The following PRDM12 variants were observed in gnomAD, a reference collection of about 807,000 sequenced individuals.
The protein encoded by PRDM12 is PR/SET domain 12.
In PRDM12, 17 loss-of-function variants were observed where a neutral mutation model predicts 29.6. The observed-to-expected ratio is 0.57, with a 90% CI of 0.39 to 0.86. The LOEUF is 0.86. PRDM12 is among the 40% of genes least tolerant of loss of function. The probability of loss-of-function intolerance (pLI) is 0.00; values close to 1 mark genes in which losing one functional copy is unlikely to be tolerated. For synonymous variants in PRDM12, 231 were observed against 225.8 expected (o/e 1.02, Z -0.21); for missense variants, 422 against 510.8 (o/e 0.83, Z 1.68).
chr9:130,677,941 G>A (rs1048738465), intron 3 of PRDM12, among the ~76,000 whole-genome samples: 19 of 152,300 alleles, frequency 1.2e-4, no homozygotes, highest in Middle Eastern at 3.4e-3. Context: ...TTCCTGGGGT[G>A]GAGGTGTTCA....
At chr9:130,680,659 A>ATATATATATATATTT in intron 4 of PRDM12, among the ~76,000 whole-genome samples, 36 of 72,144 alleles carry the variant, frequency 5.0e-4, no homozygotes, top group East Asian at 2.6e-3. Flanking sequence ...ATATATATAT[A>ATATATATATATATTT]TTTTTTTTTT....
At chr9:130,671,986 A>C (rs1395395668) in intron 3 of PRDM12, among the ~76,000 whole-genome samples, 1 of 152,240 alleles carries the variant, frequency 6.6e-6, no homozygotes, top group Non-Finnish European at 1.5e-5. Flanking sequence ...AGACGAAGGC[A>C]ACGGGGCTTT....
chr9:130,667,031 G>A (rs1830740599), intron 2 of PRDM12, among the ~76,000 whole-genome samples: 3 of 152,208 alleles, frequency 2.0e-5, no homozygotes, highest in Admixed American at 6.5e-5. Flanking sequence ...CGGACACCCT[G>A]GCAGAGCAAG....
chr9:130,669,243 C>T (rs1830764887), intron 3 of PRDM12, among the ~76,000 whole-genome samples: 1 of 152,180 alleles, frequency 6.6e-6, no homozygotes, highest in African/African-American at 2.4e-5. Context: ...AGGAGAATGG[C>T]GTGAACCCGG....
At chr9:130,677,751 C>G (rs184542404) in intron 3 of PRDM12, among the ~76,000 whole-genome samples, 3 of 152,324 alleles carry the variant, frequency 2.0e-5, no homozygotes, top group East Asian at 3.9e-4. Flanking sequence ...ACCCCAGAAG[C>G]AGGCCCCTTA....
At chr9:130,680,659 A>ATATATATATATATATATATATATT in intron 4 of PRDM12, among the ~76,000 whole-genome samples, 13 of 72,158 alleles carry the variant, frequency 1.8e-4, no homozygotes, top group East Asian at 6.5e-4. Context: ...ATATATATAT[A>ATATATATATATATATATATATATT]TTTTTTTTTT....
chr9:130,676,481 G>A (rs891221765), intron 3 of PRDM12, among the ~76,000 whole-genome samples: 15 of 152,060 alleles, frequency 9.9e-5, no homozygotes, highest in Non-Finnish European at 8.8e-5. Context: ...GGGCGACAGC[G>A]CGAGACTCCG....
intron 1 of PRDM12, among the ~76,000 whole-genome samples, chr9:130,665,849 T>A (rs974026342): frequency 1.2e-4 from 18 of 152,296 alleles, no homozygotes; most frequent in African/African-American, 3.8e-4. Context: ...GCCGCCCTTG[T>A]GCGCCTCGCC....
intron 3 of PRDM12, among the ~76,000 whole-genome samples, chr9:130,671,411 ACACAC>A (rs1564246187): frequency 5.6e-4 from 85 of 151,560 alleles, no homozygotes; most frequent in African/African-American, 2.0e-3. Context: ...ACACACACAC[ACACAC>A]ACTGTATCAC....
At chr9:130,665,305 TG>T (rs1478194390) in intron 1 of PRDM12, among the ~76,000 whole-genome samples, 1 of 10,632 alleles carries the variant, frequency 9.4e-5, no homozygotes, top group Non-Finnish European at 2.1e-4. Flanking sequence ...CAGCCGGGGC[TG>T]GGGAGGGGGT....
chr9:130,668,830 G>A lies in PRDM12; in HGVS notation c.570+517G>A, dbSNP rs150245365. Among the ~76,000 whole-genome samples, 1 of 152,264 alleles carries A rather than the reference G, an allele frequency of 6.6e-6. No homozygotes were observed. Among genetic ancestry groups the A allele is most frequent in the Non-Finnish European group, 1.5e-5 (1 of 68,016 alleles). On this transcript the variant is annotated intron_variant, in intron 3 of 4. Transcript: ENST00000253008. The surrounding 1 kb of genome is among the most constrained non-coding windows in gnomAD (Gnocchi z 4.0). The stretch of plus-strand genomic sequence containing the variant: ...TGTGTCAGGCTTCTCCCAGATGCTG[G>A]ATATGCAGTATGGTATTTAATCCCC...
chr9:130,673,702 A>C (rs1588186847), intron 3 of PRDM12, among the ~76,000 whole-genome samples: 1 of 107,708 alleles, frequency 9.3e-6, no homozygotes, highest in African/African-American at 3.7e-5. Flanking sequence ...ACAGAGTTTC[A>C]CTCTTGTTGC....
At chr9:130,680,042 A>G (rs1047263972) in intron 4 of PRDM12, among the ~76,000 whole-genome samples, 3 of 152,136 alleles carry the variant, frequency 2.0e-5, no homozygotes, top group African/African-American at 7.2e-5. Flanking sequence ...TTTTACAAAC[A>G]TTAATTTCTC....
chr9:130,670,285 C>A (rs1830776003), intron 3 of PRDM12, among the ~76,000 whole-genome samples: 1 of 152,038 alleles, frequency 6.6e-6, no homozygotes. Flanking sequence ...AGGACTCAGA[C>A]CTTGAAGCTC....
intron 3 of PRDM12, among the ~76,000 whole-genome samples, chr9:130,677,909 G>A (rs1036902806): frequency 6.6e-6 from 1 of 152,174 alleles, no homozygotes; most frequent in African/African-American, 2.4e-5. Context: ...TGGACTCTGT[G>A]TAAGGCAGTG....
At chr9:130,665,906 C>G (rs748801661) in intron 1 of PRDM12, among the ~76,000 whole-genome samples, 2 of 152,194 alleles carry the variant, frequency 1.3e-5, no homozygotes, top group African/African-American at 2.4e-5. Flanking sequence ...CCTCGGGGAG[C>G]TGGGGGCCGC....
At chr9:130,673,887 T>C (rs1200632653) in intron 3 of PRDM12, among the ~76,000 whole-genome samples, 1 of 151,984 alleles carries the variant, frequency 6.6e-6, no homozygotes, top group African/African-American at 2.4e-5. Context: ...GCCAGGCTGG[T>C]CTCGAACTCC....
Position 130,681,686 on chromosome 9 carries a change from G to A in PRDM12, c.*17G>A. On this transcript the variant is annotated 3_prime_UTR_variant, in exon 5 of 5. Coordinates refer to ENST00000253008, the MANE Select transcript of PRDM12 (RefSeq NM_021619.3). This position sits in a 1 kb window ranked among gnomAD's most constrained non-coding sequence, Gnocchi z 8.1. ...GTGCTGTGAGCGCGCCCGCGCCCCC[G>A]CCGGGCCCCGCGCGCTCCTGGGTCC... is the stretch of plus-strand genomic sequence containing the variant. 1.0e-6 allele frequency: 1 copy of A among 980,374 alleles called. No homozygotes were observed. The highest frequency in any genetic ancestry group is 1.2e-6 in the Non-Finnish European group (1 of 827,806). The allele number at this position is 980,374 out of a possible 1,614,324, so 60.7% of individuals were successfully genotyped here.
intron 3 of PRDM12, among the ~76,000 whole-genome samples, chr9:130,677,232 T>G (rs1161652820): frequency 2.6e-5 from 4 of 152,198 alleles, no homozygotes; most frequent in Admixed American, 2.0e-4. Flanking sequence ...ACCTCCACTT[T>G]CCCTTCTTTT....
Sources: allele counts gnomAD v4.1 joint callset (sites outside exome capture counted in the v4.1 genomes callset), GRCh38; gene constraint gnomAD v4.1.1; non-coding constraint Gnocchi (gnomAD v3.1); transcripts MANE v1.5; gene names NCBI Gene and HGNC (gene_info 2026-07-23, HGNC 2026-07-21).